The following ERG variants were observed in gnomAD, a reference collection of about 807,000 sequenced individuals.
ERG encodes the protein ETS transcription factor ERG.
ERG carries 9 observed loss-of-function variants against 55.3 expected under a neutral mutation model. The observed-to-expected ratio is 0.16, with a 90% CI of 0.10 to 0.28. The LOEUF is 0.28. ERG is among the 10% of genes least tolerant of loss of function. The pLI is 1.00. For missense variants in ERG, 434 were observed against 631.6 expected, an observed-to-expected ratio of 0.69 and a Z score of 3.35; for synonymous variants, 223 against 237.3, an observed-to-expected ratio of 0.94 and a Z score of 0.55.
At chr21:38,612,481 A>C (rs2060233526) in intron 1 of ERG, among the ~76,000 whole-genome samples, 1 of 152,156 alleles carries the variant, frequency 6.6e-6, no homozygotes. Context: ...TGATCAACAA[A>C]TTTATTTTAT....
At chr21:38,513,814 AAAT>A (rs1315443345) in intron 2 of ERG, among the ~76,000 whole-genome samples, 1 of 152,156 alleles carries the variant, frequency 6.6e-6, no homozygotes, top group African/African-American at 2.4e-5. Flanking sequence ...AGAAAATTGT[AAAT>A]AATATGGTAG....
intron 1 of ERG, among the ~76,000 whole-genome samples, chr21:38,494,047 T>A (rs2059360120): frequency 6.6e-6 from 1 of 152,148 alleles, no homozygotes; most frequent in Admixed American, 6.5e-5. Context: ...GCCATTATGA[T>A]CCCATTTTAC....
chr21:38,530,744 T>C (rs16996400), intron 2 of ERG, among the ~76,000 whole-genome samples: 3,345 of 152,344 alleles, frequency 0.022, 127 homozygotes, highest in African/African-American at 0.076. Flanking sequence ...TTGATTTCAA[T>C]AGGACTCATT....
intron 1 of ERG, among the ~76,000 whole-genome samples, chr21:38,485,649 G>A (rs2059277186): frequency 2.0e-5 from 3 of 151,716 alleles, no homozygotes; most frequent in Admixed American, 2.0e-4. Flanking sequence ...TAGTAGAGAT[G>A]GGGTTTCACT....
intron 1 of ERG, among the ~76,000 whole-genome samples, chr21:38,490,179 A>G (rs1343912194): frequency 1.3e-5 from 2 of 152,196 alleles, no homozygotes; most frequent in African/African-American, 4.8e-5. Context: ...AGATAAAAAC[A>G]TGTTCATCAC....
intron 2 of ERG, among the ~76,000 whole-genome samples, chr21:38,572,505 G>A (rs2059965361): frequency 1.3e-5 from 2 of 151,896 alleles, no homozygotes; most frequent in Non-Finnish European, 2.9e-5. Context: ...ATCAGTGGAA[G>A]AAAATTATCC....
chr21:38,401,020 C>G (rs1988464254), intron 5 of ERG, among the ~76,000 whole-genome samples: 1 of 152,188 alleles, frequency 6.6e-6, no homozygotes, highest in Admixed American at 6.5e-5. Flanking sequence ...ATATATTTTA[C>G]AGAGCTTTTG....
Position 38,380,527 on chromosome 21 carries a change from C to A in ERG, c.*2876G>T, listed in dbSNP as rs1987377014. On this transcript the variant is annotated 3_prime_UTR_variant, in exon 10 of 10. Coordinates refer to ENST00000288319, the MANE Select transcript of ERG (RefSeq NM_182918.4). ...AGCAGGAGTAAGATTGTACAGGAGT[C>A]TGAGTATACATCAGGGCAAGCCAAG... is the stretch of plus-strand genomic sequence containing the variant. The A allele has an allele frequency of 2.8e-6, 3 of 1,065,774 alleles. No individual in the cohort carries two copies. The highest frequency in any genetic ancestry group is 2.3e-6 in the Non-Finnish European group (2 of 879,618). 66.0% of individuals were successfully genotyped at this position (1,065,774 alleles called of 1,614,324 possible). A position where few individuals can be genotyped will look rare whatever the true frequency, so the allele number is the denominator to read the frequency against.
At chr21:38,581,058 C>A (rs1222630718) in intron 1 of ERG, among the ~76,000 whole-genome samples, 3 of 152,282 alleles carry the variant, frequency 2.0e-5, no homozygotes, top group African/African-American at 7.2e-5. Flanking sequence ...AAGATCTTCC[C>A]AAGAAGATGA....
At chr21:38,618,095 C>T (rs1383555900) in intron 1 of ERG, among the ~76,000 whole-genome samples, 1 of 152,206 alleles carries the variant, frequency 6.6e-6, no homozygotes, top group Non-Finnish European at 1.5e-5. Context: ...AGAGCAGAGC[C>T]TTCCAGACCA....
chr21:38,593,858 G>C (rs117104804), intron 1 of ERG, among the ~76,000 whole-genome samples: 1 of 152,058 alleles, frequency 6.6e-6, no homozygotes, highest in South Asian at 2.1e-4. Flanking sequence ...TATTCTTTCA[G>C]CATCACTTTG....
chr21:38,647,500 T>C (rs568905883), intron 1 of ERG, among the ~76,000 whole-genome samples: 2 of 152,264 alleles, frequency 1.3e-5, no homozygotes, highest in South Asian at 4.1e-4. Flanking sequence ...ACAGTATATC[T>C]GTGGTATTAA....
intron 2 of ERG, among the ~76,000 whole-genome samples, chr21:38,564,541 A>G (rs1372203705): frequency 6.6e-6 from 1 of 152,128 alleles, no homozygotes; most frequent in Non-Finnish European, 1.5e-5. Flanking sequence ...AATCATGTCA[A>G]AAGAGTTGTT....
Position 38,649,349 on chromosome 21 carries a change from C to G in ERG, c.-150+12309G>C, listed in dbSNP as rs75290388. Among the ~76,000 whole-genome samples, 14 of 152,282 alleles carry G rather than the reference C, an allele frequency of 9.2e-5. No individual in the cohort carries two copies. The East Asian group carries it at 2.7e-3, about 30-fold the overall frequency. On this transcript the variant is annotated intron_variant, in intron 1 of 10. Transcript: ENST00000398910. ...TCTCCCTTGATGATGTGGCAAACTG[C>G]AAGGACCAAGCACAGAGGCACCTGG... is the stretch of plus-strand genomic sequence containing the variant.
upstream of ERG, among the ~76,000 whole-genome samples, chr21:38,589,188 G>A (rs2060084957): frequency 6.6e-6 from 1 of 152,158 alleles, no homozygotes; most frequent in Non-Finnish European, 1.5e-5. Context: ...GAAAACTCCA[G>A]AAAAGCTACC....
rs546521943 is a variant in ERG at position 38,429,544 on chromosome 21, T to C, written c.237-5983A>G. ...ATGTATGCACATGTACATATATACA[T>C]ATGTGTATATGTACATGTATACACA... is the stretch of plus-strand genomic sequence containing the variant. On this transcript the variant is annotated intron_variant, in intron 2 of 9. Transcript: ENST00000288319. Among the ~76,000 whole-genome samples, 6 of 49,058 alleles carry C rather than the reference T, an allele frequency of 1.2e-4. 3 individuals carry two copies. The highest frequency in any genetic ancestry group is 1.1e-3 in the Admixed American group (6 of 5,570). The allele number at this position is 49,058 out of a possible 152,430, so 32.2% of individuals were successfully genotyped here.
Position 38,590,773 on chromosome 21 carries a change from G to A in ERG, c.-149-5828C>T, listed in dbSNP as rs138015745. ...AAGCACTGAGCTAAACACTAACTAG[G>A]GTTGGGCTTTGCCAATGAGTTCAGA... On this transcript the variant is annotated intron_variant, in intron 1 of 10. Transcript: ENST00000398910. Among the ~76,000 whole-genome samples the A allele has an allele frequency of 6.6e-5, 10 of 152,246 alleles. No homozygotes were observed. In the East Asian group the frequency reaches 1.9e-3, roughly 29 times the overall value.
chr21:38,484,734 G>T (rs1428084637), intron 1 of ERG, among the ~76,000 whole-genome samples: 1 of 152,160 alleles, frequency 6.6e-6, no homozygotes. Flanking sequence ...CTGCAGATAG[G>T]ACGAGGGTAC....
intron 2 of ERG, among the ~76,000 whole-genome samples, chr21:38,512,918 G>A (rs2059523844): frequency 6.6e-6 from 1 of 152,098 alleles, no homozygotes. Flanking sequence ...GGATCATGAG[G>A]TCAGGAGATT....
Sources: allele counts gnomAD v4.1 joint callset (sites outside exome capture counted in the v4.1 genomes callset), GRCh38; gene constraint gnomAD v4.1.1; transcripts MANE v1.5; gene names NCBI Gene and HGNC (gene_info 2026-07-23, HGNC 2026-07-21).